DEPDC5: variants seen among roughly 807,000 people sequenced by gnomAD.
DEPDC5 encodes the protein DEP domain containing 5, GATOR1 subcomplex subunit, also known as GATOR1 complex protein DEPDC5.
A neutral mutation model predicts 217.3 loss-of-function variants in DEPDC5; 73 were observed. That is an observed-to-expected ratio of 0.34 (90% CI 0.28 to 0.41). The LOEUF (loss-of-function observed/expected upper bound fraction) is 0.41, where lower values mean the gene tolerates loss of function less well. DEPDC5 is among the 10% of genes least tolerant of loss of function. The probability of loss-of-function intolerance (pLI) is 1.00; values close to 1 mark genes in which losing one functional copy is unlikely to be tolerated. For synonymous variants in DEPDC5, 733 were observed against 756.7 expected (o/e 0.97, Z 0.51); for missense variants, 1,675 against 2,070.1 (o/e 0.81, Z 3.70).
At chr22:31,778,209 A>G (rs1361051608) in intron 8 of DEPDC5, 41 bp downstream of exon 8, 2 of 1,578,232 alleles carry the variant, frequency 1.3e-6, no homozygotes, top group Admixed American at 1.7e-5. Flanking sequence ...ATCTCTCCAT[A>G]CTATTATGGC....
At chr22:31,795,850 CCT>C (rs1299467090) in intron 12 of DEPDC5, among the ~76,000 whole-genome samples, 1 of 151,898 alleles carries the variant, frequency 6.6e-6, no homozygotes, top group African/African-American at 2.4e-5. Flanking sequence ...CTTGCCTCAG[CCT>C]CTCGAGTAGC....
chr22:31,760,070 CTT>C (rs143845210), intron 3 of DEPDC5, among the ~76,000 whole-genome samples: 22 of 140,228 alleles, frequency 1.6e-4, no homozygotes, highest in Admixed American at 1.4e-4. Context: ...TTCTTTGTTT[CTT>C]TTTTTTTTTT....
intron 4 of DEPDC5, among the ~76,000 whole-genome samples, chr22:31,764,390 T>C (rs1684358132): frequency 6.6e-6 from 1 of 152,068 alleles, no homozygotes; most frequent in Admixed American, 6.6e-5. Flanking sequence ...TTACAGGTCT[T>C]TGAACTTTCT....
rs182717118 is a variant in DEPDC5, at chr22:31,763,754, T to G, written c.194-1221T>G. Among the ~76,000 whole-genome samples, 842 of 152,106 alleles carry G rather than the reference T, an allele frequency of 5.5e-3. 4 individuals are homozygous for G. Among genetic ancestry groups the G allele is most frequent in the Non-Finnish European group, 9.7e-3 (663 of 68,000 alleles). ...TGGCTATCCACTCATATTTAACAAT[T>G]CAATATTTCAATTTGAGGAGAAAAC... On this transcript the variant is annotated intron_variant, in intron 4 of 42. Transcript: ENST00000651528.
At chr22:31,843,973 C>G (rs1452862737) in intron 29 of DEPDC5, among the ~76,000 whole-genome samples, 161 bp downstream of exon 29, 1 of 151,878 alleles carries the variant, frequency 6.6e-6, no homozygotes, top group Non-Finnish European at 1.5e-5. Context: ...TGCCTGTAAT[C>G]CCAGCAATTT....
Position 31,783,283 on chromosome 22 carries a change from A to G in DEPDC5, c.484-624A>G, listed in dbSNP as rs922840805. Among the ~76,000 whole-genome samples, 3 of 152,130 alleles carry G rather than the reference A, an allele frequency of 2.0e-5. No individual in the cohort carries two copies. In the East Asian group the frequency reaches 5.8e-4, roughly 29 times the overall value. Reference sequence around the variant, plus strand: ...AAGCCTTGTTCTTTTGCTCTTCACAATATATCTTGCTGCTGCTCACTGTTG... The same window carrying G: ...AAGCCTTGTTCTTTTGCTCTTCACAGTATATCTTGCTGCTGCTCACTGTTG... On this transcript the variant is annotated intron_variant, in intron 8 of 42. Transcript: ENST00000651528.
chr22:31,881,001 T>G (rs1038319594), intron 38 of DEPDC5, among the ~76,000 whole-genome samples: 5 of 134,906 alleles, frequency 3.7e-5, no homozygotes, highest in Non-Finnish European at 7.8e-5. Context: ...GGTGACAGAA[T>G]AAGACTCCGT....
At chr22:31,833,271 T>C (rs945664404) in intron 24 of DEPDC5, among the ~76,000 whole-genome samples, 41 of 152,218 alleles carry the variant, frequency 2.7e-4, no homozygotes, top group African/African-American at 9.9e-4. Context: ...TAAAATTAAT[T>C]GTATTACTCG....
chr22:31,857,382 G>A (rs1188798799), intron 31 of DEPDC5, 63 bp from the exon 32 acceptor site: 31 of 1,425,622 alleles, frequency 2.2e-5, no homozygotes, highest in South Asian at 1.9e-4. Context: ...CATCTTGGCC[G>A]ACATGGATCC....
chr22:31,770,750 T>G (rs1423666693), intron 7 of DEPDC5, among the ~76,000 whole-genome samples: 3 of 151,274 alleles, frequency 2.0e-5, no homozygotes, highest in Middle Eastern at 3.4e-3. Flanking sequence ...GGTCACAGGG[T>G]GCAGTGTAGT....
Position 31,766,677 on chromosome 22 carries a change from T to C in DEPDC5, c.363+9T>C. On this transcript the variant is annotated intron_variant, in intron 6 of 42. Coordinates refer to ENST00000651528, the MANE Select transcript of DEPDC5 (RefSeq NM_001242896.3). ...GACTAAAGAAAAGTTTGGTAAGATG[T>C]GATTTTTTTTGAAAGTCTGTTACTT... 6.2e-7 allele frequency: 1 copy of C among 1,610,692 alleles called. No individual in the cohort carries two copies. The highest frequency in any genetic ancestry group is 8.5e-7 in the Non-Finnish European group (1 of 1,178,324).
chr22:31,784,731 G>A, intron 9 of DEPDC5, 83 bp from the exon 10 acceptor site: 1 of 1,342,702 alleles, frequency 7.4e-7, no homozygotes, highest in Non-Finnish European at 1.1e-6. Flanking sequence ...AATTTACTTA[G>A]AGAAGAAATT....
intron 29 of DEPDC5, among the ~76,000 whole-genome samples, chr22:31,844,345 G>A (rs1056059017): frequency 6.6e-6 from 1 of 152,186 alleles, no homozygotes; most frequent in East Asian, 1.9e-4. Flanking sequence ...AGTGAGCCTT[G>A]ATAGTGCCAC....
intron 24 of DEPDC5, among the ~76,000 whole-genome samples, chr22:31,828,163 C>G (rs2090298328): frequency 6.6e-6 from 1 of 152,130 alleles, no homozygotes. Flanking sequence ...TAAAACAGTT[C>G]CTGGTGGCTG....
At chr22:31,781,204 G>A (rs1385594107) in intron 8 of DEPDC5, among the ~76,000 whole-genome samples, 7 of 137,610 alleles carry the variant, frequency 5.1e-5, no homozygotes, top group Admixed American at 7.5e-5. Context: ...CAACAAGAGC[G>A]AAACTCGGTC....
intron 8 of DEPDC5, 30 bp from the exon 9 acceptor site, chr22:31,783,877 C>CT: frequency 6.3e-7 from 1 of 1,599,522 alleles, no homozygotes; most frequent in Non-Finnish European, 8.6e-7. Context: ...TATGGCATTG[C>CT]TTTTTAATAC....
At chr22:31,805,063 C>T in intron 17 of DEPDC5, 148 bp downstream of exon 17, 3 of 698,480 alleles carry the variant, frequency 4.3e-6, no homozygotes, top group Non-Finnish European at 7.1e-6. Context: ...GCTCAAAGCT[C>T]TGTACACACA....
intron 34 of DEPDC5, among the ~76,000 whole-genome samples, chr22:31,872,813 G>A (rs1282477658): frequency 1.3e-5 from 2 of 151,978 alleles, no homozygotes; most frequent in Non-Finnish European, 2.9e-5. Flanking sequence ...GTGCATGAGT[G>A]GCACGACCTC....
chr22:31,869,909 A>G (rs768140816), intron 33 of DEPDC5, among the ~76,000 whole-genome samples: 11 of 152,166 alleles, frequency 7.2e-5, no homozygotes, highest in Non-Finnish European at 1.3e-4. Flanking sequence ...GGCTGCAATC[A>G]GGGGCTATTT....
Sources: allele counts gnomAD v4.1 joint callset (sites outside exome capture counted in the v4.1 genomes callset), GRCh38; gene constraint gnomAD v4.1.1; transcripts MANE v1.5; gene names NCBI Gene and HGNC (gene_info 2026-07-23, HGNC 2026-07-21).